Variants in CUL1 observed in about 807,000 individuals in gnomAD.
CUL1 encodes the protein cullin 1.
A neutral mutation model predicts 118.0 loss-of-function variants in CUL1; 24 were observed. The observed-to-expected ratio is 0.20, with a 90% CI of 0.15 to 0.29. CUL1 has a LOEUF of 0.29. Ranked by LOEUF, CUL1 falls within the 10% of genes least tolerant of loss-of-function variation. The pLI, the probability that CUL1 is intolerant of heterozygous loss-of-function variation, is 1.00. For missense variants in CUL1, 361 were observed against 933.8 expected (o/e 0.39, Z 7.99); for synonymous variants, 332 against 340.4 (o/e 0.98, Z 0.27).
intron 16 of CUL1, 69 bp downstream of exon 16, chr7:148,790,510 T>C: frequency 7.4e-7 from 1 of 1,357,642 alleles, no homozygotes; most frequent in Non-Finnish European, 1.0e-6. Context: ...TGGAAATCAT[T>C]ATCAGCTGAC....
intron 9 of CUL1, among the ~76,000 whole-genome samples, chr7:148,770,385 T>C (rs1486836182): frequency 6.6e-6 from 1 of 152,198 alleles, no homozygotes; most frequent in East Asian, 1.9e-4. Context: ...AAAAGTCAAA[T>C]ATTAGTTTTT....
At chr7:148,771,822 A>C (rs372393292) in intron 9 of CUL1, among the ~76,000 whole-genome samples, 61 of 152,294 alleles carry the variant, frequency 4.0e-4, no homozygotes, top group African/African-American at 1.4e-3. Context: ...TGTATCAAAA[A>C]ATAGTCTATA....
At chr7:148,798,547 T>C (rs1254595942) in intron 19 of CUL1, 25 bp from the exon 20 acceptor site, 2 of 1,550,070 alleles carry the variant, frequency 1.3e-6, no homozygotes, top group East Asian at 4.5e-5. Context: ...ATAATAGTGA[T>C]CGGTTTCCTC....
intron 2 of CUL1, among the ~76,000 whole-genome samples, chr7:148,742,597 GGT>G (rs1491144548): frequency 8.9e-5 from 9 of 100,704 alleles, no homozygotes; most frequent in African/African-American, 3.2e-4. Flanking sequence ...TACCTTTTCT[GGT>G]TTTTTTTTTT....
intron 2 of CUL1, among the ~76,000 whole-genome samples, chr7:148,736,931 C>T (rs1464561602): frequency 6.6e-6 from 1 of 152,202 alleles, no homozygotes; most frequent in African/African-American, 2.4e-5. Flanking sequence ...GGAACTGTCC[C>T]TTATAAGGTG....
chr7:148,759,320 G>C lies in CUL1; in HGVS notation c.500G>C (p.Trp167Ser). ...TTTCTCCAGCTTGCATTGGTGACTT[G>C]GAGAGACTGTCTGTTCAGGCCACTG... ...YEIYSLALVT[W>S]RDCLFRPLNK... is the part of the protein sequence containing the mutation. The change falls in exon 5 of 22, where the codon TGG becomes TCG. Residue 167 changes from tryptophan to serine, a missense_variant. By Grantham distance (177) the Trp-to-Ser change is radical. This residue lies in a region of CUL1 where 169 missense variants were observed against 429.7 expected (regional missense o/e 0.39). Transcript: ENST00000325222. 6.2e-7 allele frequency: 1 copy of C among 1,613,998 alleles called. No individual in the cohort carries two copies. Among genetic ancestry groups the C allele is most frequent in the Non-Finnish European group, 8.5e-7 (1 of 1,179,926 alleles).
chr7:148,730,978 A>AT (rs998179377), intron 2 of CUL1, among the ~76,000 whole-genome samples: 38 of 149,512 alleles, frequency 2.5e-4, no homozygotes, highest in Admixed American at 1.1e-3. Flanking sequence ...CACCTGGCCA[A>AT]TTTTTTTTTT....
At chr7:148,731,823 T>C (rs1038488872) in intron 2 of CUL1, among the ~76,000 whole-genome samples, 3 of 152,228 alleles carry the variant, frequency 2.0e-5, no homozygotes, top group Admixed American at 2.0e-4. Flanking sequence ...TGAGCATGCT[T>C]GGAGGCTTCA....
chr7:148,795,225 G>A (rs769405289), intron 17 of CUL1, among the ~76,000 whole-genome samples: 7 of 151,956 alleles, frequency 4.6e-5, no homozygotes, highest in Admixed American at 1.3e-4. Context: ...AGCTCACTGC[G>A]GTATCAAATG....
chr7:148,785,287 T>C (rs2129462718), intron 11 of CUL1, among the ~76,000 whole-genome samples: 1 of 152,206 alleles, frequency 6.6e-6, no homozygotes, highest in Middle Eastern at 3.4e-3. Context: ...TTGGTTTCAT[T>C]TTAGGGGGCT....
intron 9 of CUL1, among the ~76,000 whole-genome samples, chr7:148,773,311 T>A (rs1016180055): frequency 2.0e-5 from 3 of 151,996 alleles, no homozygotes; most frequent in Admixed American, 2.0e-4. Flanking sequence ...CTGGCTAATG[T>A]CTCTACTTAT....
chr7:148,700,663 A>G (rs1258664390), intron 1 of CUL1, among the ~76,000 whole-genome samples: 1 of 152,220 alleles, frequency 6.6e-6, no homozygotes, highest in African/African-American at 2.4e-5. Flanking sequence ...CTTTAACTCT[A>G]TTAATGCCCA....
intron 1 of CUL1, among the ~76,000 whole-genome samples, chr7:148,704,163 C>T (rs908408410): frequency 2.1e-5 from 3 of 139,740 alleles, no homozygotes; most frequent in South Asian, 2.6e-4. Flanking sequence ...GCGGCCCCCC[C>T]CCACCCCCGT....
At chr7:148,701,386 C>G (rs1797717710) in intron 1 of CUL1, among the ~76,000 whole-genome samples, 1 of 152,154 alleles carries the variant, frequency 6.6e-6, no homozygotes, top group Non-Finnish European at 1.5e-5. Context: ...AGGGCCCTAA[C>G]AGAAAAATGC....
chr7:148,767,602 G>A lies in CUL1; in HGVS notation c.953-17G>A, dbSNP rs774126610. 23 of 1,612,660 alleles carry A rather than the reference G, an allele frequency of 1.4e-5. No individual in the cohort carries two copies. In the Admixed American group the frequency reaches 1.8e-4, roughly 13 times the overall value. On this transcript the variant is annotated splice_polypyrimidine_tract_variant and intron_variant, in intron 8 of 21. Transcript: ENST00000325222. Reference sequence around the variant, plus strand: ...AAATTTTTTTCAGTGCATAAAAGGGGTTTCTTCCTCTTTCAGATTTGGGAC... The same window carrying A: ...AAATTTTTTTCAGTGCATAAAAGGGATTTCTTCCTCTTTCAGATTTGGGAC...
chr7:148,731,405 TA>T (rs1161955698), intron 2 of CUL1, among the ~76,000 whole-genome samples: 1 of 152,078 alleles, frequency 6.6e-6, no homozygotes, highest in African/African-American at 2.4e-5. Context: ...TTTAGAATCC[TA>T]AAAAAAATTT....
At position 148,699,921 on chromosome 7, in the gene CUL1, C is replaced by T. The variant is rs1223287911; in HGVS notation, c.-162+892C>T. Among the ~76,000 whole-genome samples, 3 of 151,752 alleles carry T rather than the reference C, an allele frequency of 2.0e-5. No homozygotes were observed. The East Asian group carries it at 5.8e-4, about 29-fold the overall frequency. On this transcript the variant is annotated intron_variant, in intron 1 of 21. Coordinates refer to ENST00000325222, the MANE Select transcript of CUL1 (RefSeq NM_003592.3). ...ACTCGGGGGTCGTCGCTTTTTTTTC[C>T]CTTAAGATCTGAAAGACCCCCGTTT...
At chr7:148,756,342 T>C (rs1038517425) in intron 3 of CUL1, among the ~76,000 whole-genome samples, 1 of 152,176 alleles carries the variant, frequency 6.6e-6, no homozygotes, top group African/African-American at 2.4e-5. Context: ...TCTTTTTTTT[T>C]TGGGAAGGGG....
At chr7:148,758,632 G>A (rs1280358030) in intron 4 of CUL1, among the ~76,000 whole-genome samples, 2 of 152,038 alleles carry the variant, frequency 1.3e-5, no homozygotes, top group Non-Finnish European at 2.9e-5. Flanking sequence ...AAAAAGAAAA[G>A]CATAATGTAT....
Sources: allele counts gnomAD v4.1 joint callset (sites outside exome capture counted in the v4.1 genomes callset), GRCh38; gene constraint gnomAD v4.1.1; regional missense constraint gnomAD v4.1.1; transcripts MANE v1.5; gene names NCBI Gene and HGNC (gene_info 2026-07-23, HGNC 2026-07-21).